Variants in ANKS1B observed in about 807,000 individuals in gnomAD.
The protein encoded by ANKS1B is ankyrin repeat and sterile alpha motif domain containing 1B.
ANKS1B carries 36 observed loss-of-function variants against 148.3 expected under a neutral mutation model. The observed-to-expected ratio is 0.24, with a 90% CI of 0.19 to 0.32. The LOEUF (loss-of-function observed/expected upper bound fraction) is 0.32, where lower values mean the gene tolerates loss of function less well. Ranked by LOEUF, ANKS1B falls within the 10% of genes least tolerant of loss-of-function variation. ANKS1B has a pLI of 1.00. For missense variants in ANKS1B, 1,157 were observed against 1,542.6 expected, an observed-to-expected ratio of 0.75 and a Z score of 4.19; for synonymous variants, 542 against 560.8, an observed-to-expected ratio of 0.97 and a Z score of 0.47.
intron 12 of ANKS1B, among the ~76,000 whole-genome samples, chr12:99,327,750 AATT>A (rs2086762669): frequency 1.3e-5 from 2 of 151,056 alleles, no homozygotes; most frequent in African/African-American, 4.8e-5. Context: ...ATTTTAGTAA[AATT>A]AATATCTTTT....
intron 1 of ANKS1B, among the ~76,000 whole-genome samples, chr12:99,860,589 T>C (rs1037219927): frequency 1.3e-5 from 2 of 152,182 alleles, no homozygotes; most frequent in Non-Finnish European, 2.9e-5. Flanking sequence ...TCAAAGTGTG[T>C]GAGACTAGAG....
chr12:98,982,325 G>A (rs2153231128), intron 17 of ANKS1B, among the ~76,000 whole-genome samples: 1 of 152,104 alleles, frequency 6.6e-6, no homozygotes, highest in Admixed American at 6.5e-5. Flanking sequence ...ATCCAGGTGA[G>A]GACAATGTTT....
intron 15 of ANKS1B, among the ~76,000 whole-genome samples, chr12:99,096,681 T>C (rs1395911465): frequency 1.3e-5 from 2 of 152,194 alleles, no homozygotes; most frequent in Non-Finnish European, 2.9e-5. Flanking sequence ...ATCTATATCA[T>C]GAAGGATATT....
At chr12:99,232,497 A>T (rs2081941432) in intron 14 of ANKS1B, among the ~76,000 whole-genome samples, 1 of 152,182 alleles carries the variant, frequency 6.6e-6, no homozygotes, top group African/African-American at 2.4e-5. Context: ...ATTACTCTGC[A>T]TGTTTGCTCT....
At chr12:99,472,201 T>C (rs2096252471) in intron 10 of ANKS1B, among the ~76,000 whole-genome samples, 1 of 152,102 alleles carries the variant, frequency 6.6e-6, no homozygotes, top group Admixed American at 6.6e-5. Flanking sequence ...GTAGGTCTTT[T>C]TTCCTTTGTA....
At chr12:98,959,750 T>C (rs546591929) in intron 17 of ANKS1B, among the ~76,000 whole-genome samples, 9 of 152,240 alleles carry the variant, frequency 5.9e-5, no homozygotes, top group African/African-American at 1.9e-4. Context: ...ACGGAGCCCA[T>C]TGCCCTTCTG....
chr12:99,740,611 A>C (rs1037611270), intron 8 of ANKS1B, among the ~76,000 whole-genome samples: 41 of 152,304 alleles, frequency 2.7e-4, no homozygotes, highest in African/African-American at 9.9e-4. Flanking sequence ...GGCCAGCAAG[A>C]TGGCCAAATA....
At chr12:99,274,551 C>T (rs114193096) in intron 12 of ANKS1B, among the ~76,000 whole-genome samples, 54 of 152,192 alleles carry the variant, frequency 3.5e-4, no homozygotes, top group African/African-American at 8.4e-4. Flanking sequence ...CTCCCAGGGA[C>T]GATCTACCCA....
intron 8 of ANKS1B, among the ~76,000 whole-genome samples, chr12:99,664,470 G>C (rs932554005): frequency 2.0e-5 from 3 of 151,898 alleles, no homozygotes; most frequent in Non-Finnish European, 4.4e-5. Context: ...AGAGTAAAAA[G>C]GTAGATGTAT....
At position 99,401,971 on chromosome 12, in the gene ANKS1B, A is replaced by G. The variant is rs1268291257; in HGVS notation, c.1576-2160T>C. On this transcript the variant is annotated intron_variant, in intron 11 of 26. Transcript: ENST00000683438. ...TATGGTCTATGACTGCCCTCGTACT[A>G]TAATTGCAGAGTTCAGTAGTCGCAA... Among the ~76,000 whole-genome samples, 2 of 146,598 alleles carry G rather than the reference A, an allele frequency of 1.4e-5. 1 individual carries two copies. The highest frequency in any genetic ancestry group is 3.0e-5 in the Non-Finnish European group (2 of 66,266).
intron 1 of ANKS1B, among the ~76,000 whole-genome samples, chr12:99,844,247 G>A (rs1238119814): frequency 6.6e-6 from 1 of 151,778 alleles, no homozygotes; most frequent in Non-Finnish European, 1.5e-5. Flanking sequence ...TGTTTAACTC[G>A]ATCCTATTTG....
At chr12:99,412,987 T>C (rs898598262) in intron 11 of ANKS1B, among the ~76,000 whole-genome samples, 2 of 152,230 alleles carry the variant, frequency 1.3e-5, no homozygotes, top group Non-Finnish European at 2.9e-5. Flanking sequence ...AGACTTGCTC[T>C]AAAGATGTAG....
chr12:99,800,969 CAAG>C (rs994634157), intron 4 of ANKS1B, among the ~76,000 whole-genome samples: 5 of 152,032 alleles, frequency 3.3e-5, no homozygotes, highest in African/African-American at 9.7e-5. Context: ...GCTTAGAGAT[CAAG>C]AAGATGAGGG....
At position 99,163,467 on chromosome 12, in the gene ANKS1B, CTGTG is replaced by C. The variant is rs146637164; in HGVS notation, c.2420-9076_2420-9073del. Among the ~76,000 whole-genome samples, 195 of 135,090 alleles carry C rather than the reference CTGTG, an allele frequency of 1.4e-3. 1 individual carries two copies. Among genetic ancestry groups the C allele is most frequent in the Middle Eastern group, 7.5e-3 (2 of 266 alleles). The allele number at this position is 135,090 out of a possible 152,430, so 88.6% of individuals were successfully genotyped here. A position where few individuals can be genotyped will look rare whatever the true frequency, so the allele number is the denominator to read the frequency against. ...ATATGTCCTGTGTTTTACATGCACT[CTGTG>C]TGTGTGTGTGTGTGTGTGTGTGTGT... On this transcript the variant is annotated intron_variant, in intron 14 of 26. Coordinates refer to ENST00000683438, the MANE Select transcript of ANKS1B (RefSeq NM_001352186.2).
intron 8 of ANKS1B, among the ~76,000 whole-genome samples, chr12:99,661,006 A>G (rs2098474857): frequency 6.6e-6 from 1 of 152,174 alleles, no homozygotes; most frequent in Admixed American, 6.5e-5. Context: ...GAATGTAACG[A>G]AAGCCCACCA....
chr12:99,798,423 T>TAAAAAAAAAAAAAAAAAAAAAAAAAA (rs61020616), intron 4 of ANKS1B, among the ~76,000 whole-genome samples: 1 of 78,646 alleles, frequency 1.3e-5, no homozygotes, highest in Non-Finnish European at 2.8e-5. Flanking sequence ...CTCTTGGAAT[T>TAAAAAAAAAAAAAAAAAAAAAAAAAA]AAAAAAAAAA....
intron 8 of ANKS1B, among the ~76,000 whole-genome samples, chr12:99,694,437 T>TAA (rs561215216): frequency 3.0e-5 from 4 of 132,920 alleles, no homozygotes; most frequent in Admixed American, 7.6e-5. Context: ...AGACTTCATC[T>TAA]AAAAAAAAAA....
intron 25 of ANKS1B, among the ~76,000 whole-genome samples, chr12:98,767,952 C>A (rs941798370): frequency 6.6e-6 from 1 of 152,186 alleles, no homozygotes; most frequent in African/African-American, 2.4e-5. Context: ...ATTCTCTCCA[C>A]TCATTTAAGA....
chr12:98,736,562 C>T (rs958243795), intron 9 of ANKS1B, among the ~76,000 whole-genome samples: 6 of 152,080 alleles, frequency 3.9e-5, no homozygotes, highest in Non-Finnish European at 8.8e-5. Context: ...TGGGAAAGCT[C>T]CACCAGGAGG....
Sources: allele counts gnomAD v4.1 joint callset (sites outside exome capture counted in the v4.1 genomes callset), GRCh38; gene constraint gnomAD v4.1.1; transcripts MANE v1.5; gene names NCBI Gene and HGNC (gene_info 2026-07-23, HGNC 2026-07-21).